Variants in CLYBL observed in about 807,000 individuals in gnomAD.
CLYBL encodes citramalyl-CoA lyase, also known as citramalyl-CoA lyase, mitochondrial.
Under a neutral mutation model 38.9 loss-of-function variants are expected in CLYBL, and 31 were observed. The observed-to-expected ratio is 0.80, with a 90% CI of 0.60 to 1.08. The LOEUF is 1.08. Ranked by LOEUF, CLYBL falls within the 50% of genes least tolerant of loss-of-function variation. CLYBL has a pLI of 0.00. For missense variants in CLYBL, 434 were observed against 411.6 expected (o/e 1.05, Z -0.47); for synonymous variants, 171 against 158.6 (o/e 1.08, Z -0.59).
At chr13:99,864,061 A>G (rs1214286846) in intron 4 of CLYBL, among the ~76,000 whole-genome samples, 2 of 152,218 alleles carry the variant, frequency 1.3e-5, no homozygotes, top group African/African-American at 2.4e-5. Flanking sequence ...AATATAATCA[A>G]AAGCATATCC....
At chr13:99,671,011 T>G (rs1270671168) in intron 1 of CLYBL, among the ~76,000 whole-genome samples, 1 of 152,202 alleles carries the variant, frequency 6.6e-6, no homozygotes, top group Non-Finnish European at 1.5e-5. Flanking sequence ...CAACATCTTA[T>G]GCCACTCTCT....
chr13:99,608,806 T>A (rs561751955), intron 1 of CLYBL, among the ~76,000 whole-genome samples: 1 of 150,280 alleles, frequency 6.7e-6, no homozygotes, highest in East Asian at 2.0e-4. Flanking sequence ...TAATGAGAAT[T>A]CAGACGTTAA....
intron 1 of CLYBL, among the ~76,000 whole-genome samples, chr13:99,724,618 G>C (rs1466820854): frequency 6.6e-6 from 1 of 152,094 alleles, no homozygotes; most frequent in African/African-American, 2.4e-5. Context: ...GCATTTAGAG[G>C]GTACAGCTGT....
At chr13:99,859,640 T>C (rs2051550162) in intron 3 of CLYBL, among the ~76,000 whole-genome samples, 1 of 152,182 alleles carries the variant, frequency 6.6e-6, no homozygotes, top group Non-Finnish European at 1.5e-5. Flanking sequence ...CTGACAGGTG[T>C]GTTTGTGTTT....
chr13:99,809,649 G>A (rs545145239), intron 2 of CLYBL, among the ~76,000 whole-genome samples: 5 of 152,352 alleles, frequency 3.3e-5, no homozygotes, highest in Admixed American at 2.0e-4. Context: ...CGCTGTTAGC[G>A]ATTAGCTGTT....
At chr13:99,840,815 C>A (rs1323974060) in intron 2 of CLYBL, among the ~76,000 whole-genome samples, 1 of 144,186 alleles carries the variant, frequency 6.9e-6, no homozygotes, top group Non-Finnish European at 1.5e-5. Flanking sequence ...GGCAGAAAAC[C>A]GTATTCCCTA....
chr13:99,782,152 C>A lies in CLYBL; in HGVS notation c.249+9142C>A, dbSNP rs144649218. Among the ~76,000 whole-genome samples, 612 of 152,190 alleles carry A rather than the reference C, an allele frequency of 4.0e-3. 2 individuals are homozygous for A. The highest frequency in any genetic ancestry group is 6.8e-3 in the Middle Eastern group (2 of 294). ...TTTCTTTCTCTTCAGGTGCAACTTT[C>A]AGAATTTCCCTATAGCGAAAGTTGG... On this transcript the variant is annotated intron_variant, in intron 2 of 8. Coordinates refer to ENST00000339105, the MANE Select transcript of CLYBL (RefSeq NM_206808.5).
chr13:99,792,634 TCTC>T (rs59985521), intron 2 of CLYBL, among the ~76,000 whole-genome samples: 5 of 151,872 alleles, frequency 3.3e-5, no homozygotes, highest in African/African-American at 9.7e-5. Context: ...TTTGAATGCT[TCTC>T]CTGCCAAGGC....
chr13:99,867,469 T>G (rs1449948179), intron 6 of CLYBL, among the ~76,000 whole-genome samples: 1 of 152,174 alleles, frequency 6.6e-6, no homozygotes, highest in Non-Finnish European at 1.5e-5. Flanking sequence ...TGTTCTTGTG[T>G]TTTTTACACA....
At chr13:99,836,165 A>C (rs550471677) in intron 2 of CLYBL, among the ~76,000 whole-genome samples, 1 of 152,140 alleles carries the variant, frequency 6.6e-6, no homozygotes, top group African/African-American at 2.4e-5. Flanking sequence ...AGCCGTGAGT[A>C]TGAGGGGGAC....
chr13:99,887,150 T>C (rs1468077947), intron 7 of CLYBL, among the ~76,000 whole-genome samples: 1 of 152,196 alleles, frequency 6.6e-6, no homozygotes, highest in Non-Finnish European at 1.5e-5. Flanking sequence ...TGAATGTGCA[T>C]TAGAATCACC....
In CLYBL at chr13:99,804,314, C is replaced by T. The variant is rs186010861; in HGVS notation, c.249+31304C>T. Reference sequence around the variant, plus strand: ...ATTTGACATTAAACTGTTCAGCAGACTCTTGTTGTTTGGGCTACAGCAGGT... The same window carrying T: ...ATTTGACATTAAACTGTTCAGCAGATTCTTGTTGTTTGGGCTACAGCAGGT... On this transcript the variant is annotated intron_variant, in intron 2 of 8. Coordinates refer to ENST00000339105, the MANE Select transcript of CLYBL (RefSeq NM_206808.5). Among the ~76,000 whole-genome samples, 126 of 152,330 alleles carry T rather than the reference C, an allele frequency of 8.3e-4. 1 individual carries two copies. Among genetic ancestry groups the T allele is most frequent in the African/African-American group, 2.9e-3 (121 of 41,572 alleles).
rs537647857 is a variant in CLYBL, at chr13:99,743,018, G to A, written c.63-29806G>A. Among the ~76,000 whole-genome samples, 34 of 147,832 alleles carry A rather than the reference G, an allele frequency of 2.3e-4. 2 individuals carry two copies. The South Asian group carries it at 5.6e-3, about 24-fold the overall frequency. ...ACTAGAAGAGGGTAGCGGGCTTTTT[G>A]TTTGGGTTCGGGTTTTTTTCTTTTT... On this transcript the variant is annotated intron_variant, in intron 1 of 8. Coordinates refer to ENST00000339105, the MANE Select transcript of CLYBL (RefSeq NM_206808.5).
chr13:99,898,833 C>T (rs1215038971), downstream of CLYBL, among the ~76,000 whole-genome samples: 1 of 152,212 alleles, frequency 6.6e-6, no homozygotes, highest in Non-Finnish European at 1.5e-5. Context: ...ATTGGACTTT[C>T]ATTATAGTGG....
At chr13:99,812,442 G>T (rs1157603984) in intron 2 of CLYBL, among the ~76,000 whole-genome samples, 1 of 152,250 alleles carries the variant, frequency 6.6e-6, no homozygotes, top group East Asian at 1.9e-4. Flanking sequence ...ACAGCCTGCA[G>T]TGAGGAAAAC....
At chr13:99,641,671 G>A (rs1305996388) in intron 1 of CLYBL, among the ~76,000 whole-genome samples, 3 of 151,696 alleles carry the variant, frequency 2.0e-5, no homozygotes, top group Non-Finnish European at 2.9e-5. Context: ...AATTAGCCAG[G>A]CATGGCAGCG....
At chr13:99,787,883 G>A (rs1348104895) in intron 2 of CLYBL, among the ~76,000 whole-genome samples, 14 of 152,156 alleles carry the variant, frequency 9.2e-5, no homozygotes, top group Non-Finnish European at 1.5e-4. Flanking sequence ...ACTGAGCAGT[G>A]CTTTGTAGTT....
intron 2 of CLYBL, among the ~76,000 whole-genome samples, chr13:99,816,533 T>C (rs956170432): frequency 6.6e-6 from 1 of 152,188 alleles, no homozygotes; most frequent in Non-Finnish European, 1.5e-5. Context: ...AATTCATGTG[T>C]TGAAACCTCA....
At chr13:99,684,403 G>C (rs1409783118) in intron 1 of CLYBL, among the ~76,000 whole-genome samples, 1 of 152,032 alleles carries the variant, frequency 6.6e-6, no homozygotes, top group Non-Finnish European at 1.5e-5. Flanking sequence ...GAGCACTGTG[G>C]TATATTTGGT....
Sources: allele counts gnomAD v4.1 joint callset (sites outside exome capture counted in the v4.1 genomes callset), GRCh38; gene constraint gnomAD v4.1.1; transcripts MANE v1.5; gene names NCBI Gene and HGNC (gene_info 2026-07-23, HGNC 2026-07-21).